NEDD4L: variants seen among roughly 807,000 people sequenced by gnomAD.
The protein encoded by NEDD4L is E3 ubiquitin-protein ligase NEDD4-like.
A neutral mutation model predicts 148.9 loss-of-function variants in NEDD4L; 54 were observed. That is an observed-to-expected ratio of 0.36 (90% CI 0.29 to 0.45). The LOEUF (loss-of-function observed/expected upper bound fraction) is 0.45. Among genes scored for constraint, NEDD4L ranks in the 20% least tolerant of loss-of-function variants. NEDD4L has a pLI of 1.00. For synonymous variants in NEDD4L, 433 were observed against 440.7 expected (o/e 0.98, Z 0.22); for missense variants, 856 against 1,233.8 (o/e 0.69, Z 4.59).
chr18:58,294,942 C>A (rs531697488), intron 5 of NEDD4L, among the ~76,000 whole-genome samples: 4 of 152,068 alleles, frequency 2.6e-5, no homozygotes. Flanking sequence ...TTTCCTTTTT[C>A]TTTTTAAACT....
intron 5 of NEDD4L, among the ~76,000 whole-genome samples, chr18:58,289,369 A>G (rs562368622): frequency 2.6e-5 from 4 of 152,302 alleles, no homozygotes; most frequent in Admixed American, 2.0e-4. Flanking sequence ...GCTGGGTTGC[A>G]GCCTTGGAGT....
At chr18:58,284,803 G>A (rs2149023846) in intron 5 of NEDD4L, among the ~76,000 whole-genome samples, 1 of 152,282 alleles carries the variant, frequency 6.6e-6, no homozygotes, top group Middle Eastern at 3.4e-3. Flanking sequence ...CATAGAGAAT[G>A]GTGCCGTGGG....
chr18:58,239,598 A>C lies in NEDD4L; in HGVS notation c.123-5829A>C, dbSNP rs1016990277. Among the ~76,000 whole-genome samples, 5 of 152,240 alleles carry C rather than the reference A, an allele frequency of 3.3e-5. No individual in the cohort carries two copies. The South Asian group carries it at 1.0e-3, about 32-fold the overall frequency. On this transcript the variant is annotated intron_variant, in intron 2 of 30. Transcript: ENST00000400345. ...AAATAATAGGTGTGAAAGAACATGG[A>C]ACACTTCAGTGAATCAAATGGAGAG...
intron 1 of NEDD4L, among the ~76,000 whole-genome samples, chr18:58,086,774 TA>T (rs1475902378): frequency 2.6e-5 from 4 of 152,260 alleles, no homozygotes; most frequent in Non-Finnish European, 5.9e-5. Context: ...GATAGTTATC[TA>T]ATGTTGTGTA....
chr18:58,245,674 C>CT (rs57282316), intron 3 of NEDD4L, among the ~76,000 whole-genome samples, 166 bp downstream of exon 3: 2,808 of 89,096 alleles, frequency 0.032, 45 homozygotes, highest in African/African-American at 0.039. Flanking sequence ...CACTTTTTCT[C>CT]TTTTTTTTTT....
Position 58,248,902 on chromosome 18 carries a change from C to A in NEDD4L, c.208C>A (p.Leu70Met). 2 of 1,496,086 alleles carry A rather than the reference C, an allele frequency of 1.3e-6. No individual in the cohort carries two copies. Among genetic ancestry groups the A allele is most frequent in the Non-Finnish European group, 1.8e-6 (2 of 1,097,210 alleles). 92.7% of individuals were successfully genotyped at this position (1,496,086 alleles called of 1,614,324 possible). A position where few individuals can be genotyped will look rare whatever the true frequency, so the allele number is the denominator to read the frequency against. The change falls in exon 4 of 31, where the codon CTG becomes ATG. Residue 70 changes from leucine to methionine, a missense_variant. Transcript: ENST00000400345. ...TACAAGATAATTTCTCTTCCAGACA[C>A]TGAACCCAAAATGGAATGAAGAATT... ...LVQTKTIKKT[L>M]NPKWNEEFYF...
chr18:58,085,947 C>G (rs1186852410), intron 1 of NEDD4L, among the ~76,000 whole-genome samples: 1 of 152,072 alleles, frequency 6.6e-6, no homozygotes, highest in Non-Finnish European at 1.5e-5. Context: ...CAGCTGGTTC[C>G]TTTATTAAGG....
chr18:58,252,124 A>G, intron 5 of NEDD4L, 70 bp downstream of exon 5: 1 of 986,360 alleles, frequency 1.0e-6, no homozygotes, highest in Non-Finnish European at 1.6e-6. Context: ...CAGCGTCTTT[A>G]AAACTCTGTG....
intron 1 of NEDD4L, among the ~76,000 whole-genome samples, chr18:58,062,211 C>T (rs542921183): frequency 6.6e-6 from 1 of 152,068 alleles, no homozygotes; most frequent in Non-Finnish European, 1.5e-5. Flanking sequence ...TTATTTTTTG[C>T]TTGATCACCC....
intron 1 of NEDD4L, among the ~76,000 whole-genome samples, chr18:58,155,646 G>T (rs1039675441): frequency 6.6e-6 from 1 of 152,180 alleles, no homozygotes; most frequent in Non-Finnish European, 1.5e-5. Context: ...GAGGCCGGTG[G>T]CATGTTTGTC....
intron 21 of NEDD4L, chr18:58,367,358 G>A (rs2046246801): frequency 5.8e-6 from 1 of 173,020 alleles, no homozygotes; most frequent in East Asian, 1.5e-4. Flanking sequence ...AAAAGCCTCT[G>A]GAAGGAATTA....
At chr18:58,149,689 A>G (rs902137519) in intron 1 of NEDD4L, 5 of 703,078 alleles carry the variant, frequency 7.1e-6, no homozygotes, top group Non-Finnish European at 1.0e-5. Flanking sequence ...CTGTTAATTC[A>G]TCTTTAACAT....
intron 2 of NEDD4L, among the ~76,000 whole-genome samples, chr18:58,208,079 A>G (rs547884449): frequency 6.6e-6 from 1 of 152,122 alleles, no homozygotes; most frequent in African/African-American, 2.4e-5. Context: ...GCAGAGTGGT[A>G]TTATTTCCTC....
intron 1 of NEDD4L, among the ~76,000 whole-genome samples, chr18:58,151,688 G>A (rs1293083114): frequency 6.8e-6 from 1 of 146,952 alleles, no homozygotes; most frequent in Admixed American, 6.8e-5. Flanking sequence ...AGTGGTGCTG[G>A]ACATGTCGGG....
rs938654157 is a variant in NEDD4L, at chr18:58,396,447, G to A, written c.*178G>A. 1 of 527,528 alleles carries A rather than the reference G, an allele frequency of 1.9e-6. No individual in the cohort carries two copies. The highest frequency in any genetic ancestry group is 3.2e-5 in the Admixed American group (1 of 31,218). The allele number at this position is 527,528 out of a possible 1,614,324, so 32.7% of individuals were successfully genotyped here. A position where few individuals can be genotyped will look rare whatever the true frequency, so the allele number is the denominator to read the frequency against. ...ATGCGGGAACCTGGTCCCAGCTTGA[G>A]TTCCTGCCTTTCCCACCACAAATTA... is the stretch of plus-strand genomic sequence containing the variant. On this transcript the variant is annotated 3_prime_UTR_variant, in exon 31 of 31. Transcript: ENST00000400345.
intron 9 of NEDD4L, 31 bp downstream of exon 9, chr18:58,325,193 G>A (rs373443794): frequency 1.9e-6 from 3 of 1,611,238 alleles, no homozygotes; most frequent in Non-Finnish European, 2.5e-6. Flanking sequence ...AGGAACACGT[G>A]CACGTGCACT....
intron 1 of NEDD4L, among the ~76,000 whole-genome samples, chr18:58,115,908 C>A (rs1598896343): frequency 6.6e-6 from 1 of 152,206 alleles, no homozygotes; most frequent in Non-Finnish European, 1.5e-5. Context: ...TTGACAGGCC[C>A]TAGAAAGCAC....
chr18:58,238,992 A>G (rs2046334899), intron 2 of NEDD4L, among the ~76,000 whole-genome samples: 1 of 152,194 alleles, frequency 6.6e-6, no homozygotes, highest in Admixed American at 6.5e-5. Flanking sequence ...AAGTGTTATT[A>G]CTTTATTGAG....
chr18:58,215,382 A>G (rs1307251580), intron 2 of NEDD4L, among the ~76,000 whole-genome samples: 1 of 152,180 alleles, frequency 6.6e-6, no homozygotes, highest in East Asian at 1.9e-4. Context: ...AGTGATGCCA[A>G]GTATCTCTTC....
Sources: allele counts gnomAD v4.1 joint callset (sites outside exome capture counted in the v4.1 genomes callset), GRCh38; gene constraint gnomAD v4.1.1; transcripts MANE v1.5; gene names NCBI Gene and HGNC (gene_info 2026-07-23, HGNC 2026-07-21).